Variants in ADCY8 observed in about 807,000 individuals in gnomAD.
ADCY8 encodes the protein adenylate cyclase 8.
ADCY8 carries 51 observed loss-of-function variants against 119.7 expected under a neutral mutation model. The ratio of observed to expected loss-of-function variants is 0.43; its 90% CI spans 0.34 to 0.54. ADCY8 has a LOEUF of 0.54. Among genes scored for constraint, ADCY8 ranks in the 20% least tolerant of loss-of-function variants. The pLI is 0.03. For synonymous variants in ADCY8, 665 were observed against 651.0 expected (o/e 1.02, Z -0.33); for missense variants, 1,383 against 1,598.8 (o/e 0.87, Z 2.30).
At chr8:131,018,388 T>G (rs1823548019) in intron 1 of ADCY8, among the ~76,000 whole-genome samples, 1 of 152,246 alleles carries the variant, frequency 6.6e-6, no homozygotes, top group Admixed American at 6.5e-5. Context: ...TTTCTTGTGC[T>G]TTGTCACAGT....
intron 16 of ADCY8, among the ~76,000 whole-genome samples, chr8:130,784,569 A>C (rs181268008): frequency 7.9e-5 from 12 of 152,350 alleles, no homozygotes; most frequent in African/African-American, 2.9e-4. Context: ...GTGACACTCA[A>C]CATTGCCATT....
At chr8:130,847,549 A>C in intron 10 of ADCY8, 36 bp from the exon 11 acceptor site, 2 of 1,527,348 alleles carry the variant, frequency 1.3e-6, no homozygotes, top group Non-Finnish European at 1.8e-6. Context: ...GAACAACAAA[A>C]ACAAAAACAG....
chr8:131,025,434 A>G (rs1823791889), intron 1 of ADCY8, among the ~76,000 whole-genome samples: 1 of 152,106 alleles, frequency 6.6e-6, no homozygotes, highest in Admixed American at 6.6e-5. Flanking sequence ...CCTCAACTAT[A>G]AAAAGGGAAA....
chr8:130,836,397 C>T lies in ADCY8; in HGVS notation c.2555G>A (p.Arg852Gln), dbSNP rs1199406720. 5 of 1,613,836 alleles carry T rather than the reference C, an allele frequency of 3.1e-6. No homozygotes were observed. Among genetic ancestry groups the T allele is most frequent in the Admixed American group, 1.7e-5 (1 of 60,008 alleles). The change falls in exon 12 of 18, where the codon CGG becomes CAG. Residue 852 changes from arginine (R) to glutamine (Q), a missense_variant. Arg to Gln is a conservative substitution (Grantham distance 43, BLOSUM62 1). Transcript: ENST00000286355. Reference sequence around the variant, plus strand: ...TGCCAGCTTCAGGACGGAGTTCAGCCGGAGGAAAACTGCACAGGTCACCAT... The same window carrying T: ...TGCCAGCTTCAGGACGGAGTTCAGCTGGAGGAAAACTGCACAGGTCACCAT... The part of the protein sequence containing the change: ...LAMVTCAVFL[R>Q]LNSVLKLAVL...
intron 9 of ADCY8, among the ~76,000 whole-genome samples, chr8:130,864,527 C>A (rs1316625045): frequency 6.6e-6 from 1 of 152,020 alleles, no homozygotes; most frequent in Non-Finnish European, 1.5e-5. Context: ...GATGCTTTGA[C>A]CCGTGTCCCC....
intron 12 of ADCY8, among the ~76,000 whole-genome samples, chr8:130,827,111 G>A (rs79449023): frequency 0.045 from 6,888 of 152,244 alleles, 173 homozygotes; most frequent in Middle Eastern, 0.12. Context: ...GATGTTCTGC[G>A]GAAGCAGATG....
chr8:130,864,470 C>A (rs1818044643), intron 9 of ADCY8, among the ~76,000 whole-genome samples: 1 of 152,066 alleles, frequency 6.6e-6, no homozygotes, highest in African/African-American at 2.4e-5. Context: ...TTTTGGTAAT[C>A]TAATTATGTG....
chr8:130,956,994 C>T lies in ADCY8; in HGVS notation c.1111-4996G>A, dbSNP rs73348527. The stretch of plus-strand genomic sequence containing the variant: ...TCTTTACTAGTAGCGTGAAAACAGA[C>T]GAATACAATAAATTGGTACCGGGAC... On this transcript the variant is annotated intron_variant, in intron 2 of 17. Transcript: ENST00000286355. Among the ~76,000 whole-genome samples the T allele has an allele frequency of 2.1e-3, 314 of 152,200 alleles. 1 individual carries two copies. Among genetic ancestry groups the T allele is most frequent in the African/African-American group, 7.1e-3 (295 of 41,510 alleles).
At chr8:130,990,140 G>T (rs532785072) in intron 2 of ADCY8, among the ~76,000 whole-genome samples, 6 of 152,218 alleles carry the variant, frequency 3.9e-5, no homozygotes, top group Non-Finnish European at 8.8e-5. Context: ...GTCAGTGAAA[G>T]GTGTCAGAAA....
chr8:130,982,022 A>C (rs892189220), intron 2 of ADCY8, among the ~76,000 whole-genome samples: 1 of 152,234 alleles, frequency 6.6e-6, no homozygotes, highest in Non-Finnish European at 1.5e-5. Flanking sequence ...TAGAGCTAGG[A>C]ATCAAATACA....
At chr8:130,837,173 G>A (rs77967599) in intron 11 of ADCY8, among the ~76,000 whole-genome samples, 6,887 of 152,070 alleles carry the variant, frequency 0.045, 169 homozygotes, top group Middle Eastern at 0.12. Context: ...CACCCATATC[G>A]TTCTCTACTC....
intron 7 of ADCY8, among the ~76,000 whole-genome samples, chr8:130,886,539 G>T (rs963347727): frequency 2.0e-5 from 3 of 151,840 alleles, no homozygotes; most frequent in African/African-American, 7.3e-5. Flanking sequence ...TTGGTTTTTT[G>T]GTCAGAAATT....
At chr8:130,862,841 A>T (rs944045453) in intron 9 of ADCY8, among the ~76,000 whole-genome samples, 1 of 152,168 alleles carries the variant, frequency 6.6e-6, no homozygotes, top group Non-Finnish European at 1.5e-5. Context: ...TAACTCTACT[A>T]TGATCTGAGA....
intron 9 of ADCY8, among the ~76,000 whole-genome samples, chr8:130,866,256 C>T (rs991135074): frequency 6.6e-6 from 1 of 151,854 alleles, no homozygotes; most frequent in Non-Finnish European, 1.5e-5. Flanking sequence ...CCGGAATCCC[C>T]TCTCTCTTTC....
At chr8:131,006,155 C>T (rs1180759489) in intron 1 of ADCY8, among the ~76,000 whole-genome samples, 4 of 152,154 alleles carry the variant, frequency 2.6e-5, no homozygotes, top group Non-Finnish European at 5.9e-5. Flanking sequence ...AGGCTGTCCC[C>T]CTCTCACATT....
intron 2 of ADCY8, among the ~76,000 whole-genome samples, chr8:130,968,320 C>G (rs1368588917): frequency 6.6e-6 from 1 of 152,090 alleles, no homozygotes; most frequent in Non-Finnish European, 1.5e-5. Context: ...CAGGCGCCCA[C>G]CACCATGCCT....
At chr8:130,958,717 C>T (rs115761870) in intron 2 of ADCY8, among the ~76,000 whole-genome samples, 1 of 152,280 alleles carries the variant, frequency 6.6e-6, no homozygotes, top group African/African-American at 2.4e-5. Context: ...TAGTTATTTC[C>T]ACCTGGCCCT....
chr8:130,821,013 T>C (rs1202105716), intron 13 of ADCY8, among the ~76,000 whole-genome samples: 1 of 152,192 alleles, frequency 6.6e-6, no homozygotes, highest in Non-Finnish European at 1.5e-5. Flanking sequence ...TTACCTAATA[T>C]AGCACACAAC....
chr8:130,984,213 G>A (rs1282787016), intron 2 of ADCY8, among the ~76,000 whole-genome samples: 1 of 152,050 alleles, frequency 6.6e-6, no homozygotes, highest in African/African-American at 2.4e-5. Context: ...GCATGAGTGG[G>A]CTCCCTGTGG....
Sources: gnomAD v4.1 joint callset for allele counts (sites outside exome capture counted in the v4.1 genomes callset) on GRCh38, gnomAD v4.1.1 for gene constraint, MANE v1.5 for transcripts, NCBI Gene and HGNC (gene_info 2026-07-23, HGNC 2026-07-21) for gene names.